The following TAFA2 variants were observed in gnomAD, a reference collection of about 807,000 sequenced individuals.
The protein encoded by TAFA2 is TAFA chemokine like family member 2, also known as chemokine-like protein TAFA-2.
Under a neutral mutation model 18.8 loss-of-function variants are expected in TAFA2, and 7 were observed. That is an observed-to-expected ratio of 0.37 (90% confidence interval 0.21 to 0.70). The LOEUF (loss-of-function observed/expected upper bound fraction) is 0.70. Ranked by LOEUF, TAFA2 falls within the 30% of genes least tolerant of loss-of-function variation. The pLI is 0.53. For synonymous variants in TAFA2, 60 were observed against 54.2 expected, an observed-to-expected ratio of 1.11 and a Z score of -0.47; for missense variants, 122 against 158.1, an observed-to-expected ratio of 0.77 and a Z score of 1.23.
intron 1 of TAFA2, among the ~76,000 whole-genome samples, chr12:61,870,508 T>C (rs1173551371): frequency 6.6e-6 from 1 of 152,200 alleles, no homozygotes; most frequent in African/African-American, 2.4e-5. Context: ...CCTTCTCTGT[T>C]CAGAACAGAA....
At chr12:62,166,808 T>C in intron 1 of TAFA2, among the ~76,000 whole-genome samples, 1 of 152,166 alleles carries the variant, frequency 6.6e-6, no homozygotes, top group East Asian at 1.9e-4. Flanking sequence ...TCTTGCACTA[T>C]AAAATTCCAA....
chr12:61,816,894 A>G (rs907045111), intron 2 of TAFA2, among the ~76,000 whole-genome samples: 1 of 151,156 alleles, frequency 6.6e-6, no homozygotes, highest in African/African-American at 2.5e-5. Context: ...CTTTTTTTGT[A>G]TGCATAGGGT....
chr12:62,151,156 A>C (rs2062325759), intron 1 of TAFA2, among the ~76,000 whole-genome samples: 1 of 152,222 alleles, frequency 6.6e-6, no homozygotes, highest in East Asian at 1.9e-4. Context: ...ACCTTCTTTT[A>C]GGCAGGAAGG....
At chr12:61,724,907 A>G (rs1870087230) in intron 4 of TAFA2, among the ~76,000 whole-genome samples, 1 of 151,836 alleles carries the variant, frequency 6.6e-6, no homozygotes, top group Non-Finnish European at 1.5e-5. Flanking sequence ...TGTTTTGCAT[A>G]GTGGTTGTAC....
chr12:61,914,910 C>A (rs1876759609), intron 1 of TAFA2, among the ~76,000 whole-genome samples: 1 of 152,156 alleles, frequency 6.6e-6, no homozygotes, highest in African/African-American at 2.4e-5. Context: ...TGCCTGTAAT[C>A]CCAGCACTTT....
intron 1 of TAFA2, among the ~76,000 whole-genome samples, chr12:61,951,953 T>TA (rs1244139741): frequency 6.6e-6 from 1 of 152,106 alleles, no homozygotes; most frequent in Non-Finnish European, 1.5e-5. Context: ...CGAAGCATTT[T>TA]AAACAATGTA....
upstream of TAFA2, among the ~76,000 whole-genome samples, chr12:62,195,719 G>A (rs1193760843): frequency 6.6e-6 from 1 of 152,186 alleles, no homozygotes; most frequent in Non-Finnish European, 1.5e-5. Flanking sequence ...AAACAAATGT[G>A]CTGCTATCAG....
intron 1 of TAFA2, among the ~76,000 whole-genome samples, chr12:61,929,330 A>T (rs1877450203): frequency 6.6e-6 from 1 of 152,136 alleles, no homozygotes; most frequent in Non-Finnish European, 1.5e-5. Flanking sequence ...CAACCCCATC[A>T]ACAAGTGGGC....
chr12:61,819,317 G>T (rs1872225376), intron 2 of TAFA2, among the ~76,000 whole-genome samples: 1 of 152,306 alleles, frequency 6.6e-6, no homozygotes, highest in South Asian at 2.1e-4. Flanking sequence ...TTCAAAGAAT[G>T]TATTTTTAAT....
intron 1 of TAFA2, among the ~76,000 whole-genome samples, chr12:62,041,877 C>T (rs1419140523): frequency 1.3e-5 from 2 of 152,006 alleles, no homozygotes; most frequent in Non-Finnish European, 2.9e-5. Flanking sequence ...TTAAGGCAAA[C>T]TTTCATTCAG....
At chr12:62,220,767 CTATT>C (rs1487709751) in intron 1 of TAFA2, among the ~76,000 whole-genome samples, 1 of 151,942 alleles carries the variant, frequency 6.6e-6, no homozygotes, top group East Asian at 1.9e-4. Flanking sequence ...AAAAAATAGT[CTATT>C]TAGAGAGAAA....
chr12:61,916,000 T>A (rs1876807299), intron 1 of TAFA2, among the ~76,000 whole-genome samples: 1 of 152,160 alleles, frequency 6.6e-6, no homozygotes, highest in Admixed American at 6.6e-5. Flanking sequence ...AGAGTTTCCA[T>A]CCATAAAAGG....
intron 1 of TAFA2, among the ~76,000 whole-genome samples, chr12:62,255,966 T>C (rs111523434): frequency 6.6e-6 from 1 of 151,450 alleles, no homozygotes; most frequent in African/African-American, 2.4e-5. Flanking sequence ...GTACACTTTA[T>C]GTACTTCTTA....
At chr12:61,885,489 T>C (rs1415431678) in intron 1 of TAFA2, among the ~76,000 whole-genome samples, 2 of 152,222 alleles carry the variant, frequency 1.3e-5, no homozygotes, top group East Asian at 3.9e-4. Flanking sequence ...CACCACACTG[T>C]ACAAACATCA....
At chr12:61,877,433 A>G (rs1221449758) in intron 1 of TAFA2, among the ~76,000 whole-genome samples, 1 of 152,082 alleles carries the variant, frequency 6.6e-6, no homozygotes, top group African/African-American at 2.4e-5. Flanking sequence ...TAAATGTGCA[A>G]TCGTGAGAAA....
At chr12:61,870,919 A>C (rs779477354) in intron 1 of TAFA2, among the ~76,000 whole-genome samples, 1 of 152,178 alleles carries the variant, frequency 6.6e-6, no homozygotes, top group Non-Finnish European at 1.5e-5. Flanking sequence ...TAAGATTCCT[A>C]AAGACAGCAA....
intron 1 of TAFA2, among the ~76,000 whole-genome samples, chr12:62,244,332 C>A (rs2062875462): frequency 6.7e-6 from 1 of 149,090 alleles, no homozygotes; most frequent in African/African-American, 2.5e-5. Flanking sequence ...TAGTTACATA[C>A]ACACACATGC....
At chr12:62,145,256 T>C (rs541371730) in intron 1 of TAFA2, among the ~76,000 whole-genome samples, 1 of 152,288 alleles carries the variant, frequency 6.6e-6, no homozygotes, top group Non-Finnish European at 1.5e-5. Flanking sequence ...ACACAACAGG[T>C]GAGCGGTAGT....
intron 1 of TAFA2, among the ~76,000 whole-genome samples, chr12:62,119,826 C>A (rs1287713605): frequency 2.0e-5 from 3 of 152,060 alleles, no homozygotes; most frequent in Non-Finnish European, 4.4e-5. Flanking sequence ...ATAATCCCAG[C>A]ATTTTGGGAG....
Sources: gnomAD v4.1 joint callset for allele counts (sites outside exome capture counted in the v4.1 genomes callset) on GRCh38, gnomAD v4.1.1 for gene constraint, MANE v1.5 for transcripts, NCBI Gene and HGNC (gene_info 2026-07-23, HGNC 2026-07-21) for gene names.